SEC24B: variants seen among roughly 807,000 people sequenced by gnomAD.
SEC24B encodes the protein protein transport protein Sec24B.
Under a neutral mutation model 142.8 loss-of-function variants are expected in SEC24B, and 45 were observed. That is an observed-to-expected ratio of 0.32 (90% CI 0.25 to 0.40). SEC24B has a LOEUF of 0.40. SEC24B is among the 10% of genes least tolerant of loss of function. The pLI is 1.00. For synonymous variants in SEC24B, 574 were observed against 568.2 expected (o/e 1.01, Z -0.15); for missense variants, 1,409 against 1,526.8 (o/e 0.92, Z 1.29).
chr4:109,538,479 A>G lies in SEC24B; in HGVS notation c.3589-14A>G, dbSNP rs759924412. On this transcript the variant is annotated splice_polypyrimidine_tract_variant and intron_variant, in intron 22 of 23. Coordinates refer to ENST00000265175, the MANE Select transcript of SEC24B (RefSeq NM_006323.5). ...TGAGAAAGGAAAGTTTCCTAATTGT[A>G]TTTCTTTTACCAGACACATCTTCCA... 1.8e-5 allele frequency: 29 copies of G among 1,569,706 alleles called. No individual in the cohort carries two copies. Among genetic ancestry groups the G allele is most frequent in the Non-Finnish European group, 2.5e-5 (28 of 1,140,474 alleles).
At chr4:109,493,631 CT>C (rs11284823) in intron 5 of SEC24B, among the ~76,000 whole-genome samples, 42,577 of 141,162 alleles carry the variant, frequency 0.3, 10,018 homozygotes, top group African/African-American at 0.68. Flanking sequence ...TAGATACTAC[CT>C]TTTTTTTTTT....
rs191158532 is a variant in SEC24B, at chr4:109,526,956, C to T, written c.2966-366C>T. ...TGTGGCTGGATGTGGCGGTGGCTCA[C>T]GCCTGTAATCCCAGCACTTTGGGAG... On this transcript the variant is annotated intron_variant, in intron 17 of 23. Transcript: ENST00000265175. 2.7e-3 allele frequency among the ~76,000 whole-genome samples: 405 copies of T among 152,182 alleles called. 2 individuals carry two copies. The highest frequency in any genetic ancestry group is 9.1e-3 in the African/African-American group (380 of 41,540).
intron 19 of SEC24B, 152 bp from the exon 20 acceptor site, chr4:109,531,233 A>C (rs567820107): frequency 3.2e-6 from 2 of 625,242 alleles, no homozygotes; most frequent in Non-Finnish European, 5.4e-6. Context: ...CTCCAGCATC[A>C]CATACCTATT....
chr4:109,536,775 C>T (rs1200742895), intron 22 of SEC24B, among the ~76,000 whole-genome samples: 2 of 151,794 alleles, frequency 1.3e-5, no homozygotes, highest in Admixed American at 6.6e-5. Context: ...GTGATCCCCC[C>T]ACCTCGGCCT....
chr4:109,448,030 C>G (rs1440971281), intron 1 of SEC24B, among the ~76,000 whole-genome samples: 1 of 152,186 alleles, frequency 6.6e-6, no homozygotes, highest in African/African-American at 2.4e-5. Flanking sequence ...TCACATCTCC[C>G]TCTGACTCTC....
At chr4:109,451,196 T>G (rs1415979656) in intron 1 of SEC24B, 2 of 152,156 alleles carry the variant, frequency 1.3e-5, no homozygotes, top group African/African-American at 4.8e-5. Flanking sequence ...AATATTTATT[T>G]TATTATTTGG....
chr4:109,530,336 T>C lies in SEC24B; in HGVS notation c.3124T>C (p.Leu1042=). Residue 1042 remains leucine (L), a synonymous_variant, in exon 19 of 24, where the codon TTA becomes CTA. Coordinates refer to ENST00000265175, the MANE Select transcript of SEC24B (RefSeq NM_006323.5). The part of the protein sequence containing the change: ...SSSLSDARDA[L]VNAVVDSLSA... ...AAGTCTGTCAGATGCAAGAGATGCC[T>C]TAGTGAATGCTGTAGTGGACTCATT... is the stretch of plus-strand genomic sequence containing the variant. 6.2e-7 allele frequency: 1 copy of C among 1,614,060 alleles called. No homozygotes were observed.
chr4:109,491,231 C>T, intron 4 of SEC24B, 96 bp from the exon 5 acceptor site: 1 of 875,610 alleles, frequency 1.1e-6, no homozygotes, highest in Non-Finnish European at 1.8e-6. Flanking sequence ...AGGAATTTTC[C>T]TAGTTCCGCA....
Position 109,516,527 on chromosome 4 carries a change from G to A in SEC24B, c.2014-1G>A. 6.3e-7 allele frequency: 1 copy of A among 1,593,532 alleles called. No homozygotes were observed. The highest frequency in any genetic ancestry group is 8.6e-7 in the Non-Finnish European group (1 of 1,164,630). On this transcript the variant is annotated splice_acceptor_variant, in intron 10 of 23. Coordinates refer to ENST00000265175, the MANE Select transcript of SEC24B (RefSeq NM_006323.5). LOFTEE classifies it high-confidence loss of function. ...ACTTACTTTATTTTTATTCCTTTCA[G>A]CTGCGTCCTCCTCAACCTGCAGTTT...
chr4:109,527,535 G>A, intron 18 of SEC24B, 103 bp downstream of exon 18: 1 of 811,622 alleles, frequency 1.2e-6, no homozygotes, highest in Non-Finnish European at 2.0e-6. Context: ...CATTTTGGGA[G>A]GCTGAGGCGG....
At chr4:109,460,852 T>C (rs995175289) in intron 1 of SEC24B, among the ~76,000 whole-genome samples, 2 of 151,708 alleles carry the variant, frequency 1.3e-5, no homozygotes, top group Non-Finnish European at 2.9e-5. Context: ...ATCAAAGATA[T>C]ATAAAGATGA....
At chr4:109,447,734 A>G (rs1404054819) in intron 1 of SEC24B, among the ~76,000 whole-genome samples, 3 of 151,860 alleles carry the variant, frequency 2.0e-5, no homozygotes, top group African/African-American at 7.3e-5. Flanking sequence ...AGCAGAGGTC[A>G]GATGATGGAG....
At chr4:109,481,826 G>A in intron 4 of SEC24B, 45 bp downstream of exon 4, 1 of 1,472,618 alleles carries the variant, frequency 6.8e-7, no homozygotes, top group Non-Finnish European at 9.4e-7. Context: ...TCCTGCTCAA[G>A]TTTTCTTTTT....
chr4:109,507,033 G>C (rs1736760360), intron 7 of SEC24B, among the ~76,000 whole-genome samples: 1 of 152,030 alleles, frequency 6.6e-6, no homozygotes, highest in South Asian at 2.1e-4. Context: ...TCCTTTAATA[G>C]AGAAGTTTAG....
chr4:109,472,164 T>TAC (rs929124189), intron 2 of SEC24B, among the ~76,000 whole-genome samples: 2 of 152,196 alleles, frequency 1.3e-5, no homozygotes, highest in African/African-American at 4.8e-5. Flanking sequence ...TTTACATATA[T>TAC]ACACACACAC....
intron 23 of SEC24B, among the ~76,000 whole-genome samples, chr4:109,539,025 G>T (rs1253465373): frequency 1.3e-5 from 2 of 151,728 alleles, no homozygotes; most frequent in Non-Finnish European, 2.9e-5. Context: ...GCGATGGTGC[G>T]ATCTCAGCCC....
At chr4:109,451,477 T>TA (rs1371876909) in intron 1 of SEC24B, among the ~76,000 whole-genome samples, 2 of 152,136 alleles carry the variant, frequency 1.3e-5, no homozygotes, top group East Asian at 1.9e-4. Flanking sequence ...TATTGATACT[T>TA]ACTTTTGTTG....
chr4:109,527,177 C>T (rs1724332374), intron 17 of SEC24B, 145 bp from the exon 18 acceptor site: 1 of 575,348 alleles, frequency 1.7e-6, no homozygotes, highest in South Asian at 2.2e-5. Context: ...TGTGATCACA[C>T]CATTGCACTC....
At chr4:109,484,851 CAAAAAAAAAA>C (rs36027800) in intron 4 of SEC24B, among the ~76,000 whole-genome samples, 2 of 72,742 alleles carry the variant, frequency 2.7e-5, no homozygotes, top group African/African-American at 9.2e-5. Context: ...GACTCTGTCT[CAAAAAAAAAA>C]AAAAAAAAAA....
Sources: gnomAD v4.1 joint callset for allele counts (sites outside exome capture counted in the v4.1 genomes callset) on GRCh38, gnomAD v4.1.1 for gene constraint, MANE v1.5 for transcripts, NCBI Gene and HGNC (gene_info 2026-07-23, HGNC 2026-07-21) for gene names.